The following PSMC1 variants were observed in gnomAD, a reference collection of about 807,000 sequenced individuals.
The protein encoded by PSMC1 is 26S proteasome regulatory subunit 4.
Under a neutral mutation model 49.8 loss-of-function variants are expected in PSMC1, and 5 were observed. That is an observed-to-expected ratio of 0.10 (90% CI 0.05 to 0.21). PSMC1 has a LOEUF of 0.21. PSMC1 is among the 10% of genes least tolerant of loss of function. The pLI is 1.00. For synonymous variants in PSMC1, 155 were observed against 192.1 expected, an observed-to-expected ratio of 0.81 and a Z score of 1.60; for missense variants, 181 against 535.7, an observed-to-expected ratio of 0.34 and a Z score of 6.54.
intron 7 of PSMC1, among the ~76,000 whole-genome samples, chr14:90,266,433 C>T (rs368899257): frequency 6.6e-6 from 1 of 152,164 alleles, no homozygotes; most frequent in South Asian, 2.1e-4. Context: ...GACGGAGACA[C>T]CTGTACCCAG....
At chr14:90,257,592 G>A (rs1891319742) in intron 1 of PSMC1, among the ~76,000 whole-genome samples, 1 of 152,126 alleles carries the variant, frequency 6.6e-6, no homozygotes, top group Non-Finnish European at 1.5e-5. Context: ...TCTCATAGAG[G>A]TCTTTTTTAT....
intron 1 of PSMC1, 141 bp downstream of exon 1, chr14:90,256,741 G>C: frequency 1.4e-6 from 2 of 1,396,016 alleles, no homozygotes; most frequent in Non-Finnish European, 2.0e-6. Context: ...CTCGGCGGGT[G>C]GAGGCTCCCA....
intron 9 of PSMC1, 188 bp from the exon 10 acceptor site, chr14:90,270,010 A>T: frequency 1.7e-6 from 1 of 594,518 alleles, no homozygotes; most frequent in Non-Finnish European, 2.8e-6. Context: ...TTTTAAATGA[A>T]GAGAATTCAA....
At chr14:90,260,272 T>G in intron 3 of PSMC1, 61 bp downstream of exon 3, 1 of 1,268,956 alleles carries the variant, frequency 7.9e-7, no homozygotes, top group Non-Finnish European at 1.1e-6. Context: ...TCTCTGTGCA[T>G]GTAGCTTAGA....
At chr14:90,268,491 A>C in intron 8 of PSMC1, 78 bp downstream of exon 8, 92 of 1,396,042 alleles carry the variant, frequency 6.6e-5, no homozygotes, top group Non-Finnish European at 8.7e-5. Flanking sequence ...GAGCAATCTC[A>C]GGGGGCTCTC....
In PSMC1 at chr14:90,263,681, A is replaced by G. The variant is rs1422065590; in HGVS notation, c.299A>G (p.Asp100Gly). ...ATGTAGGAGGAAAGATCAAAAGTGG[A>G]TGATCTGAGGGGGACCCCGATGTCA... ...EKQEEERSKV[D>G]DLRGTPMSVG... Residue 100 changes from aspartate (D) to glycine (G), a missense_variant, in exon 5 of 11, where the codon GAT becomes GGT. This residue lies in a region of PSMC1 where 121 missense variants were observed against 358.6 expected (regional missense o/e 0.34). Transcript: ENST00000261303. The G allele has an allele frequency of 6.2e-7, 1 of 1,613,100 alleles. No individual in the cohort carries two copies. The highest frequency in any genetic ancestry group is 8.5e-7 in the Non-Finnish European group (1 of 1,179,556).
At chr14:90,268,447 G>C in intron 8 of PSMC1, 34 bp downstream of exon 8, 1 of 1,600,448 alleles carries the variant, frequency 6.2e-7, no homozygotes, top group Non-Finnish European at 8.6e-7. Flanking sequence ...GCCTTGTTTA[G>C]TAGGGAACAC....
Position 90,272,536 on chromosome 14 carries a change from T to C in PSMC1, c.*129T>C, listed in dbSNP as rs1891697042. 4 of 621,646 alleles carry C rather than the reference T, an allele frequency of 6.4e-6. No individual in the cohort carries two copies. In the South Asian group the frequency reaches 8.4e-5, roughly 13 times the overall value. The allele number at this position is 621,646 out of a possible 1,614,324, so 38.5% of individuals were successfully genotyped here. ...TTATTAGCAAAACATCCTGTGTCTT[T>C]TGGAGTACGATGTGTAAGTGCCCAT... On this transcript the variant is annotated 3_prime_UTR_variant, in exon 11 of 11. Coordinates refer to ENST00000261303, the MANE Select transcript of PSMC1 (RefSeq NM_002802.3). This position sits in a 1 kb window ranked among gnomAD's most constrained non-coding sequence, Gnocchi z 4.5.
In PSMC1 at chr14:90,260,183, A is replaced by G. The variant is rs1289066632; in HGVS notation, c.126A>G (p.Gly42=). The G allele has an allele frequency of 6.2e-7, 1 of 1,611,966 alleles. No homozygotes were observed. Among genetic ancestry groups the G allele is most frequent in the African/African-American group, 1.3e-5 (1 of 74,828 alleles). The change falls in exon 3 of 11, where the codon GGA becomes GGG. Residue 42 remains glycine, a synonymous_variant. Transcript: ENST00000261303. ...RVGKKKKKTK[G]PDAASKLPLV... is the part of the protein sequence containing the mutation. ...GGAAAAAGAAGAAGAAAACAAAGGG[A>G]CCAGATGCTGCCAGCAAACTGCCAC...
intron 6 of PSMC1, among the ~76,000 whole-genome samples, chr14:90,264,699 C>A (rs1010505566): frequency 1.3e-5 from 2 of 152,190 alleles, no homozygotes; most frequent in African/African-American, 4.8e-5. Flanking sequence ...TGAGAAATAG[C>A]TGTAATGTCC....
In PSMC1 at chr14:90,274,071, TCTGC is replaced by T. The variant is rs1265694900; in HGVS notation, c.*1667_*1670del. ...GTGTGGCCATCTTTAGGGGCGCCAC[TCTGC>T]CTACCACAGAGGACATCCACACGTG... On this transcript the variant is annotated 3_prime_UTR_variant, in exon 11 of 11. Transcript: ENST00000261303. The T allele has an allele frequency of 3.9e-5, 6 of 154,884 alleles. No individual in the cohort carries two copies. Among genetic ancestry groups the T allele is most frequent in the African/African-American group, 1.4e-4 (6 of 41,520 alleles). The allele number at this position is 154,884 out of a possible 1,614,324, so 9.6% of individuals were successfully genotyped here.
intron 3 of PSMC1, among the ~76,000 whole-genome samples, chr14:90,261,500 T>C (rs1595040499): frequency 6.6e-6 from 1 of 152,192 alleles, no homozygotes; most frequent in East Asian, 1.9e-4. Context: ...TTAATATACA[T>C]TGAAGGTGCC....
rs1027448284 is a variant in PSMC1 at position 90,264,963 on chromosome 14, T to C, written c.595-107T>C. 13 of 818,590 alleles carry C rather than the reference T, an allele frequency of 1.6e-5. No homozygotes were observed. In the South Asian group the frequency reaches 1.6e-4, roughly 10 times the overall value. 50.7% of individuals were successfully genotyped at this position (818,590 alleles called of 1,614,324 possible). On this transcript the variant is annotated intron_variant, in intron 6 of 10. Transcript: ENST00000261303. ...AGCACATTGTCTCTAAGAAGAGTAA[T>C]TGAGATTTTTACTTATTTTTGTTGA...
At chr14:90,265,204 G>A (rs758352292) in intron 7 of PSMC1, 38 bp downstream of exon 7, 2 of 1,415,032 alleles carry the variant, frequency 1.4e-6, no homozygotes, top group Non-Finnish European at 9.9e-7. Flanking sequence ...GCACCCAGCT[G>A]GTCTCTTGAG....
intron 7 of PSMC1, among the ~76,000 whole-genome samples, chr14:90,266,984 G>A (rs1320078826): frequency 2.0e-5 from 3 of 151,976 alleles, no homozygotes; most frequent in Non-Finnish European, 4.4e-5. Context: ...GCTGGCCCGA[G>A]GCTGCCAGCT....
At chr14:90,269,683 A>T (rs1172924703) in intron 9 of PSMC1, 135 bp downstream of exon 9, 2 of 979,708 alleles carry the variant, frequency 2.0e-6, no homozygotes, top group Non-Finnish European at 3.0e-6. Context: ...TTACAAAAAA[A>T]TAGGTCCTCT....
intron 3 of PSMC1, among the ~76,000 whole-genome samples, chr14:90,262,371 C>T (rs1002352185): frequency 2.6e-5 from 4 of 151,912 alleles, no homozygotes; most frequent in African/African-American, 9.7e-5. Flanking sequence ...AGATTCTTGA[C>T]TCTTGCCAAA....
Position 90,267,987 on chromosome 14 carries a change from G to A in PSMC1, c.692-237G>A, listed in dbSNP as rs574510127. On this transcript the variant is annotated intron_variant, in intron 7 of 10. Coordinates refer to ENST00000261303, the MANE Select transcript of PSMC1 (RefSeq NM_002802.3). ...AACCAAGTAAAAAGTATTTTCTGAC[G>A]TTATCATAAGTTCAGCAAAATAGCT... is the stretch of plus-strand genomic sequence containing the variant. 1.4e-4 allele frequency: 56 copies of A among 398,084 alleles called. 1 individual carries two copies. Among genetic ancestry groups the A allele is most frequent in the South Asian group, 1.4e-4 (2 of 14,042 alleles). The allele number at this position is 398,084 out of a possible 1,614,324, so 24.7% of individuals were successfully genotyped here.
At chr14:90,269,214 T>C in intron 8 of PSMC1, 183 bp from the exon 9 acceptor site, 1 of 590,772 alleles carries the variant, frequency 1.7e-6, no homozygotes, top group African/African-American at 1.9e-5. Flanking sequence ...TTTGGGGAAA[T>C]ACATTCAGAC....
Sources: allele counts gnomAD v4.1 joint callset (sites outside exome capture counted in the v4.1 genomes callset), GRCh38; gene constraint gnomAD v4.1.1; regional missense constraint gnomAD v4.1.1; non-coding constraint Gnocchi (gnomAD v3.1); transcripts MANE v1.5; gene names NCBI Gene and HGNC (gene_info 2026-07-23, HGNC 2026-07-21).